The following NREP variants were observed in gnomAD, a reference collection of about 807,000 sequenced individuals.
The protein encoded by NREP is neuronal regeneration-related protein.
Under a neutral mutation model 8.6 loss-of-function variants are expected in NREP, and 5 were observed. That is an observed-to-expected ratio of 0.58 (90% CI 0.30 to 1.22). The LOEUF is 1.22. Among genes scored for constraint, NREP ranks in the 50% most tolerant of loss-of-function variants. The probability of loss-of-function intolerance (pLI) is 0.07; values close to 1 mark genes in which losing one functional copy is unlikely to be tolerated. For missense variants in NREP, 86 were observed against 82.5 expected (o/e 1.04, Z -0.17); for synonymous variants, 27 against 28.0 (o/e 0.96, Z 0.11).
In NREP at chr5:111,788,679, C is replaced by T. The variant is rs561215711; in HGVS notation, c.136-53172G>A. ...GGCATCATAGGTAATATCTGGGCTA[C>T]ACAATCACATTTCAAAATTACACAC... On this transcript the variant is annotated intron_variant, in intron 2 of 3. Transcript: ENST00000395634. Among the ~76,000 whole-genome samples, 3 of 152,302 alleles carry T rather than the reference C, an allele frequency of 2.0e-5. No individual in the cohort carries two copies. The East Asian group carries it at 5.8e-4, about 29-fold the overall frequency.
intron 2 of NREP, among the ~76,000 whole-genome samples, chr5:111,888,370 A>G (rs1030575362): frequency 6.6e-6 from 1 of 151,898 alleles, no homozygotes; most frequent in Non-Finnish European, 1.5e-5. Context: ...ACTTACAATC[A>G]TGGTGGGAGG....
In NREP at chr5:111,730,930, G is replaced by C. The variant is rs1748488514; in HGVS notation, c.198C>G (p.His66Gln). The C allele has an allele frequency of 2.5e-6, 4 of 1,613,888 alleles. No homozygotes were observed. Among genetic ancestry groups the C allele is most frequent in the South Asian group, 2.2e-5 (2 of 91,064 alleles). ...AATGGAGGTGTTACGATTAAAAAAA[G>C]TGGAGGTAACTGATTCTTGGGGAGC... ...ELRSPRISYL[H>Q]FF Residue 66 changes from histidine to glutamine, a missense_variant, in exon 4 of 4, where the codon CAC (histidine) becomes CAG (glutamine). Physicochemically the swap from His to Gln is conservative, Grantham distance 24. Coordinates refer to ENST00000257435, the MANE Select transcript of NREP (RefSeq NM_004772.4).
intron 2 of NREP, among the ~76,000 whole-genome samples, chr5:111,827,828 G>A (rs1215751012): frequency 6.6e-6 from 1 of 151,888 alleles, no homozygotes; most frequent in African/African-American, 2.4e-5. Flanking sequence ...GGGCCACACG[G>A]GATGACTCTG....
intron 2 of NREP, among the ~76,000 whole-genome samples, chr5:111,804,930 G>A (rs1181188920): frequency 6.6e-6 from 1 of 152,188 alleles, no homozygotes; most frequent in African/African-American, 2.4e-5. Flanking sequence ...GAACCCGGGA[G>A]GCAGAGCTTG....
At chr5:111,881,581 C>T (rs1401448244) in intron 2 of NREP, among the ~76,000 whole-genome samples, 3 of 152,166 alleles carry the variant, frequency 2.0e-5, no homozygotes, top group African/African-American at 7.2e-5. Flanking sequence ...AGGCACCCCC[C>T]AGTAGGGGCA....
intron 2 of NREP, among the ~76,000 whole-genome samples, chr5:111,925,296 C>T (rs574793684): frequency 6.6e-6 from 1 of 152,088 alleles, no homozygotes; most frequent in Non-Finnish European, 1.5e-5. Flanking sequence ...GCAGTCCGAC[C>T]TCTAGTTGTC....
chr5:111,837,635 T>C (rs1409902601), intron 2 of NREP, among the ~76,000 whole-genome samples: 1 of 152,072 alleles, frequency 6.6e-6, no homozygotes, highest in African/African-American at 2.4e-5. Flanking sequence ...GAAAGCCTCA[T>C]GTTATAGAGG....
intron 2 of NREP, among the ~76,000 whole-genome samples, chr5:111,926,482 A>T (rs1490473929): frequency 6.6e-6 from 1 of 152,124 alleles, no homozygotes; most frequent in East Asian, 1.9e-4. Flanking sequence ...ACTTCAGACC[A>T]TTTGCCCTTC....
chr5:111,938,182 C>T (rs1187607636), intron 2 of NREP, among the ~76,000 whole-genome samples: 3 of 152,026 alleles, frequency 2.0e-5, no homozygotes, highest in African/African-American at 7.2e-5. Context: ...GGGCACTGGA[C>T]TTCTGCCCCC....
chr5:111,935,689 ATAGAG>A (rs1005441314), intron 2 of NREP, among the ~76,000 whole-genome samples: 1 of 152,132 alleles, frequency 6.6e-6, no homozygotes, highest in African/African-American at 2.4e-5. Flanking sequence ...TCACATTAAA[ATAGAG>A]TAAAATTGTA....
intron 2 of NREP, among the ~76,000 whole-genome samples, chr5:111,919,759 A>G (rs1755171350): frequency 6.6e-6 from 1 of 151,996 alleles, no homozygotes; most frequent in Non-Finnish European, 1.5e-5. Context: ...CATTAGGAGA[A>G]ATAACTAATG....
At chr5:111,849,944 A>G (rs1201779059) in intron 2 of NREP, among the ~76,000 whole-genome samples, 1 of 152,150 alleles carries the variant, frequency 6.6e-6, no homozygotes, top group Admixed American at 6.6e-5. Flanking sequence ...GAAGCAGAGC[A>G]ATAAGGCTGA....
chr5:111,881,421 C>T (rs926941026), intron 2 of NREP, among the ~76,000 whole-genome samples: 1 of 152,206 alleles, frequency 6.6e-6, no homozygotes, highest in Non-Finnish European at 1.5e-5. Flanking sequence ...AACAAAAAGA[C>T]AGCAGTAACC....
At chr5:111,927,721 G>C (rs1351185067) in intron 2 of NREP, among the ~76,000 whole-genome samples, 1 of 152,096 alleles carries the variant, frequency 6.6e-6, no homozygotes, top group Non-Finnish European at 1.5e-5. Flanking sequence ...GGCCTCACAA[G>C]AGTAACTACC....
chr5:111,924,788 G>A (rs894164771), intron 2 of NREP, among the ~76,000 whole-genome samples: 3 of 152,098 alleles, frequency 2.0e-5, no homozygotes, highest in African/African-American at 7.2e-5. Flanking sequence ...ATTTGGACCA[G>A]TATAGCAGTT....
At chr5:111,944,541 C>G (rs1410934640) in intron 2 of NREP, among the ~76,000 whole-genome samples, 1 of 152,100 alleles carries the variant, frequency 6.6e-6, no homozygotes, top group East Asian at 1.9e-4. Flanking sequence ...CTCCTGAGCT[C>G]AAGCAGTCCA....
Position 111,834,363 on chromosome 5 carries a change from C to G in NREP, c.136-98856G>C, listed in dbSNP as rs563307101. On this transcript the variant is annotated intron_variant, in intron 2 of 3. Coordinates refer to the NREP transcript ENST00000395634. ...CTCTTTAGTTCTGTCATTGATCTCT[C>G]TGATGCTTCCAAAAGTAGAACCATA... Among the ~76,000 whole-genome samples, 182 of 152,288 alleles carry G rather than the reference C, an allele frequency of 1.2e-3. 1 individual carries two copies. Among genetic ancestry groups the G allele is most frequent in the Middle Eastern group, 3.4e-3 (1 of 294 alleles).
At chr5:111,742,247 G>A (rs1749730489) in intron 2 of NREP, among the ~76,000 whole-genome samples, 1 of 152,142 alleles carries the variant, frequency 6.6e-6, no homozygotes. Flanking sequence ...GATCTTATGA[G>A]TTGGGGTGTC....
At chr5:111,860,969 G>T (rs1753530381) in intron 2 of NREP, among the ~76,000 whole-genome samples, 1 of 152,066 alleles carries the variant, frequency 6.6e-6, no homozygotes, top group Admixed American at 6.6e-5. Context: ...GTCTACTTCT[G>T]CCACAAAGCT....
Sources: allele counts gnomAD v4.1 joint callset (sites outside exome capture counted in the v4.1 genomes callset), GRCh38; gene constraint gnomAD v4.1.1; transcripts MANE v1.5; gene names NCBI Gene and HGNC (gene_info 2026-07-23, HGNC 2026-07-21).